DAB1: variants seen among roughly 807,000 people sequenced by gnomAD.
The protein encoded by DAB1 is disabled homolog 1.
Under a neutral mutation model 64.6 loss-of-function variants are expected in DAB1, and 15 were observed. That is an observed-to-expected ratio of 0.23 (90% CI 0.16 to 0.36). The LOEUF is 0.36. Ranked by LOEUF, DAB1 falls within the 10% of genes least tolerant of loss-of-function variation. The pLI is 1.00. For missense variants in DAB1, 596 were observed against 706.7 expected, an observed-to-expected ratio of 0.84 and a Z score of 1.78; for synonymous variants, 235 against 251.9, an observed-to-expected ratio of 0.93 and a Z score of 0.64.
chr1:57,308,308 A>G (rs1674373293), intron 1 of DAB1, among the ~76,000 whole-genome samples: 1 of 152,206 alleles, frequency 6.6e-6, no homozygotes. Flanking sequence ...ATTACCAGTT[A>G]ACGTCCATGC....
intron 2 of DAB1, among the ~76,000 whole-genome samples, chr1:57,156,306 C>T (rs1452843101): frequency 6.6e-6 from 1 of 152,130 alleles, no homozygotes; most frequent in Non-Finnish European, 1.5e-5. Flanking sequence ...TCATTTGTGC[C>T]CTCTTGCCCC....
At chr1:57,006,761 TAA>T (rs1646085527) in intron 14 of DAB1, among the ~76,000 whole-genome samples, 3 of 152,226 alleles carry the variant, frequency 2.0e-5, no homozygotes, top group Non-Finnish European at 2.9e-5. Context: ...TGGTTGTATT[TAA>T]AAAGAGAATG....
chr1:57,082,580 T>A (rs967039563), intron 4 of DAB1, among the ~76,000 whole-genome samples: 8 of 152,208 alleles, frequency 5.3e-5, no homozygotes, highest in African/African-American at 1.7e-4. Flanking sequence ...ACATGCAGGT[T>A]TGTTGCATAG....
At chr1:57,569,765 A>G (rs970400914) in intron 7 of DAB1, among the ~76,000 whole-genome samples, 1 of 152,030 alleles carries the variant, frequency 6.6e-6, no homozygotes, top group Non-Finnish European at 1.5e-5. Context: ...AAAAGAAAAT[A>G]TCTTCATTTT....
chr1:57,500,134 T>G (rs181544036), intron 7 of DAB1, among the ~76,000 whole-genome samples: 1 of 152,206 alleles, frequency 6.6e-6, no homozygotes, highest in African/African-American at 2.4e-5. Context: ...AAAACCAGAC[T>G]AAGTTCTGAA....
intron 5 of DAB1, among the ~76,000 whole-genome samples, chr1:58,030,015 G>A (rs1417631966): frequency 6.6e-6 from 1 of 152,016 alleles, no homozygotes; most frequent in South Asian, 2.1e-4. Context: ...AGACCAACCT[G>A]GCCAACAAGG....
intron 1 of DAB1, among the ~76,000 whole-genome samples, chr1:57,414,150 C>T (rs1459021030): frequency 6.6e-6 from 1 of 152,176 alleles, no homozygotes; most frequent in African/African-American, 2.4e-5. Flanking sequence ...AGAGGACTGA[C>T]TCCAATTTTG....
intron 1 of DAB1, among the ~76,000 whole-genome samples, chr1:57,325,519 G>C (rs1467587373): frequency 6.6e-6 from 1 of 152,224 alleles, no homozygotes; most frequent in African/African-American, 2.4e-5. Flanking sequence ...GCTTGGTACA[G>C]AGCAGGTGCT....
At chr1:57,889,715 T>C (rs1644277622) in intron 5 of DAB1, among the ~76,000 whole-genome samples, 1 of 152,174 alleles carries the variant, frequency 6.6e-6, no homozygotes, top group Admixed American at 6.6e-5. Context: ...TGAGGCACTC[T>C]GCACATAGAT....
At chr1:57,306,334 T>C (rs1039011726) in intron 1 of DAB1, among the ~76,000 whole-genome samples, 2 of 152,212 alleles carry the variant, frequency 1.3e-5, no homozygotes, top group African/African-American at 4.8e-5. Context: ...TGGTCTTCTA[T>C]TTCTCTTGCA....
chr1:57,956,386 G>A (rs865841169), intron 5 of DAB1, among the ~76,000 whole-genome samples: 5 of 152,176 alleles, frequency 3.3e-5, no homozygotes, highest in Non-Finnish European at 7.4e-5. Context: ...CCCTTGAAGG[G>A]GATTAGTGAC....
chr1:57,452,855 G>A (rs1055076012), intron 7 of DAB1, among the ~76,000 whole-genome samples: 4 of 151,268 alleles, frequency 2.6e-5, no homozygotes, highest in African/African-American at 9.7e-5. Flanking sequence ...GAAGAAGGAA[G>A]AAAAGGAGGA....
At chr1:57,132,731 G>A (rs1421811437) in intron 4 of DAB1, among the ~76,000 whole-genome samples, 2 of 151,970 alleles carry the variant, frequency 1.3e-5, no homozygotes, top group African/African-American at 4.8e-5. Flanking sequence ...ATCATATATG[G>A]GTTATACTGT....
chr1:57,171,494 G>A (rs1215130531), intron 2 of DAB1, among the ~76,000 whole-genome samples: 1 of 141,538 alleles, frequency 7.1e-6, no homozygotes, highest in Admixed American at 6.9e-5. Flanking sequence ...CAACTATCTG[G>A]GACACTTTAA....
chr1:57,859,672 A>G (rs1015296345), intron 1 of DAB1, among the ~76,000 whole-genome samples: 2 of 152,178 alleles, frequency 1.3e-5, no homozygotes, highest in Admixed American at 6.5e-5. Context: ...TAGTTTAACT[A>G]CATTCCCTGA....
chr1:58,230,418 CAGG>C (rs1659721093), intron 4 of DAB1, among the ~76,000 whole-genome samples: 1 of 152,192 alleles, frequency 6.6e-6, no homozygotes, highest in African/African-American at 2.4e-5. Flanking sequence ...CTTAGAGGAG[CAGG>C]AGGAGTATTT....
At chr1:58,041,112 A>C (rs1647129085) in intron 5 of DAB1, among the ~76,000 whole-genome samples, 1 of 151,828 alleles carries the variant, frequency 6.6e-6, no homozygotes, top group African/African-American at 2.4e-5. Flanking sequence ...TCCAAACCCA[A>C]CTCCTTCTTA....
chr1:58,281,067 G>T (rs1181523353), intron 4 of DAB1, among the ~76,000 whole-genome samples: 1 of 152,148 alleles, frequency 6.6e-6, no homozygotes, highest in Non-Finnish European at 1.5e-5. Flanking sequence ...AGACAGGTTG[G>T]GGAAGATGAG....
chr1:58,335,162 G>A (rs1400244976), intron 4 of DAB1, among the ~76,000 whole-genome samples: 1 of 152,168 alleles, frequency 6.6e-6, no homozygotes, highest in African/African-American at 2.4e-5. Context: ...TAAAATGAGG[G>A]TACACGTACA....
Sources: gnomAD v4.1 joint callset for allele counts (sites outside exome capture counted in the v4.1 genomes callset) on GRCh38, gnomAD v4.1.1 for gene constraint, MANE v1.5 for transcripts, NCBI Gene and HGNC (gene_info 2026-07-23, HGNC 2026-07-21) for gene names.